CACNA1A: variants seen among roughly 807,000 people sequenced by gnomAD.
CACNA1A encodes voltage-dependent P/Q-type calcium channel subunit alpha-1A.
A neutral mutation model predicts 262.4 loss-of-function variants in CACNA1A; 57 were observed. The ratio of observed to expected loss-of-function variants is 0.22; its 90% CI spans 0.18 to 0.27. The LOEUF (loss-of-function observed/expected upper bound fraction) is 0.27, where lower values mean the gene tolerates loss of function less well. Among genes scored for constraint, CACNA1A ranks in the 10% least tolerant of loss-of-function variants. The pLI, the probability that CACNA1A is intolerant of heterozygous loss-of-function variation, is 1.00. For synonymous variants in CACNA1A, 1,431 were observed against 1,419.3 expected, an observed-to-expected ratio of 1.01 and a Z score of -0.18; for missense variants, 2,526 against 3,562.8, an observed-to-expected ratio of 0.71 and a Z score of 7.41.
At chr19:13,217,500 C>A (rs1258382690) in intron 38 of CACNA1A, among the ~76,000 whole-genome samples, 1 of 152,194 alleles carries the variant, frequency 6.6e-6, no homozygotes, top group Non-Finnish European at 1.5e-5. Flanking sequence ...ATTGTTGTCC[C>A]CACACCCTCT....
chr19:13,304,699 A>ACT lies in CACNA1A; in HGVS notation c.1987-817_1987-816dup, dbSNP rs981172241. Among the ~76,000 whole-genome samples, 19 of 147,482 alleles carry ACT rather than the reference A, an allele frequency of 1.3e-4. No homozygotes were observed. In the East Asian group the frequency reaches 1.4e-3, roughly 11 times the overall value. ...AAAAAGAACAGGAAGAAACATCACAACTCTCTCTCTCTCTCTTTGACATAT... is the reference window on the plus strand; with the variant it reads ...AAAAAGAACAGGAAGAAACATCACAACTCTCTCTCTCTCTCTCTTTGACATAT... On this transcript the variant is annotated intron_variant, in intron 15 of 46. Coordinates refer to ENST00000360228, the MANE Select transcript of CACNA1A (RefSeq NM_001127222.2).
intron 3 of CACNA1A, among the ~76,000 whole-genome samples, chr19:13,416,745 G>A (rs533515089): frequency 6.6e-6 from 1 of 152,238 alleles, no homozygotes; most frequent in African/African-American, 2.4e-5. Flanking sequence ...AATCCAGGAG[G>A]CGGAGGTGGC....
At chr19:13,465,088 C>T (rs1032979536) in intron 1 of CACNA1A, among the ~76,000 whole-genome samples, 3 of 152,038 alleles carry the variant, frequency 2.0e-5, no homozygotes, top group African/African-American at 7.2e-5. Context: ...AGCACCATAC[C>T]TGGCTAATTT....
intron 5 of CACNA1A, chr19:13,363,194 C>T (rs527255891): frequency 4.6e-5 from 7 of 152,276 alleles, no homozygotes; most frequent in African/African-American, 1.7e-4. Flanking sequence ...GGCCTCTTCT[C>T]CTTTAGCTAG....
At chr19:13,373,128 T>C (rs1172088727) in intron 3 of CACNA1A, among the ~76,000 whole-genome samples, 1 of 152,096 alleles carries the variant, frequency 6.6e-6, no homozygotes, top group African/African-American at 2.4e-5. Context: ...TAATGGAAGG[T>C]TGGTCACAGC....
chr19:13,364,365 C>T (rs2059168838), intron 5 of CACNA1A: 1 of 152,276 alleles, frequency 6.6e-6, no homozygotes, highest in African/African-American at 2.4e-5. Flanking sequence ...CTCTGTCTCT[C>T]ACCTTCCACA....
intron 29 of CACNA1A, among the ~76,000 whole-genome samples, chr19:13,253,717 T>A: frequency 6.6e-6 from 1 of 151,636 alleles, no homozygotes; most frequent in East Asian, 1.9e-4. Flanking sequence ...GTGCTGGGAT[T>A]ACAGGCGTGA....
chr19:13,302,642 G>A (rs747337524), intron 17 of CACNA1A, among the ~76,000 whole-genome samples: 1 of 152,176 alleles, frequency 6.6e-6, no homozygotes, highest in Non-Finnish European at 1.5e-5. Context: ...TCCTGCACCA[G>A]CCCCTAAGGA....
intron 27 of CACNA1A, chr19:13,258,275 G>C (rs1271891695): frequency 6.6e-6 from 1 of 152,214 alleles, no homozygotes; most frequent in Non-Finnish European, 1.5e-5. Context: ...AGTAGAGGTG[G>C]GTGTATGCAT....
At chr19:13,485,912 C>G (rs1181108178) in intron 1 of CACNA1A, among the ~76,000 whole-genome samples, 1 of 152,204 alleles carries the variant, frequency 6.6e-6, no homozygotes, top group African/African-American at 2.4e-5. Flanking sequence ...AATCCATAAA[C>G]AACCAACAAA....
chr19:13,373,798 A>G (rs887267536), intron 3 of CACNA1A, among the ~76,000 whole-genome samples: 5 of 152,192 alleles, frequency 3.3e-5, no homozygotes, highest in African/African-American at 9.6e-5. Flanking sequence ...CTTTTCCACC[A>G]TCCACAAGTG....
At chr19:13,335,123 C>T (rs1244626812) in intron 7 of CACNA1A, among the ~76,000 whole-genome samples, 1 of 152,148 alleles carries the variant, frequency 6.6e-6, no homozygotes, top group Non-Finnish European at 1.5e-5. Context: ...TCATTCTCTT[C>T]ATACTTTTGG....
chr19:13,490,711 A>G (rs1599367796), intron 1 of CACNA1A, among the ~76,000 whole-genome samples: 1 of 137,854 alleles, frequency 7.3e-6, no homozygotes, highest in African/African-American at 2.9e-5. Context: ...GAAAGAAAGA[A>G]AGAAAGAAAG....
At chr19:13,278,517 G>C (rs2057205856) in intron 22 of CACNA1A, among the ~76,000 whole-genome samples, 1 of 152,230 alleles carries the variant, frequency 6.6e-6, no homozygotes, top group South Asian at 2.1e-4. Context: ...CCTGGTGCTT[G>C]AGATCCTCTT....
rs184257102 is a variant in CACNA1A at position 13,236,168 on chromosome 19, C to T, written c.4951-438G>A. 2.4e-3 allele frequency among the ~76,000 whole-genome samples: 346 copies of T among 145,466 alleles called. No individual in the cohort carries two copies. The highest frequency in any genetic ancestry group is 8.4e-3 in the African/African-American group (327 of 38,858). On this transcript the variant is annotated intron_variant, in intron 31 of 46. Transcript: ENST00000360228. This position sits in a 1 kb window ranked among gnomAD's most constrained non-coding sequence, Gnocchi z 4.6. ...CTGAGACGAAAGGACACAAGCCGGT[C>T]AAGTTGCGGAATCTATCATACGTGT...
intron 30 of CACNA1A, among the ~76,000 whole-genome samples, chr19:13,251,980 G>A (rs555094055): frequency 5.3e-5 from 8 of 152,074 alleles, no homozygotes; most frequent in Middle Eastern, 3.4e-3. Context: ...TGGCCAGGGT[G>A]GTCTCGAACT....
At position 13,299,021 on chromosome 19, in the gene CACNA1A, G is replaced by T. The variant is rs1178583020; in HGVS notation, c.2612C>A (p.Pro871His). ...QARYHDRARDPSGSAGLDARR... is the reference protein window; with the variant it reads ...QARYHDRARDHSGSAGLDARR... ...TGCGTCCAGGCCCGCCGAGCCGCTG[G>T]GGTCCCGGGCCCGATCGTGGTAGCG... Residue 871 changes from proline (P) to histidine (H), a missense_variant, in exon 19 of 47, where the codon CCC (proline) becomes CAC (histidine). Transcript: ENST00000360228. The T allele has an allele frequency of 1.3e-6, 2 of 1,589,992 alleles. No individual in the cohort carries two copies. The highest frequency in any genetic ancestry group is 1.7e-6 in the Non-Finnish European group (2 of 1,174,146).
At chr19:13,238,488 AC>A (rs1181942910) in intron 31 of CACNA1A, among the ~76,000 whole-genome samples, 2 of 151,760 alleles carry the variant, frequency 1.3e-5, no homozygotes, top group African/African-American at 4.8e-5. Flanking sequence ...TGCCTATCTG[AC>A]TTATTTCGGG....
At chr19:13,360,629 C>T (rs1028933226) in intron 5 of CACNA1A, among the ~76,000 whole-genome samples, 1 of 152,026 alleles carries the variant, frequency 6.6e-6, no homozygotes, top group Non-Finnish European at 1.5e-5. Context: ...AGGTGGCCAC[C>T]ACCACACCTG....
Sources: allele counts gnomAD v4.1 joint callset (sites outside exome capture counted in the v4.1 genomes callset), GRCh38; gene constraint gnomAD v4.1.1; non-coding constraint Gnocchi (gnomAD v3.1); transcripts MANE v1.5; gene names NCBI Gene and HGNC (gene_info 2026-07-23, HGNC 2026-07-21).